ZNF804B: variants seen among roughly 807,000 people sequenced by gnomAD.
The protein encoded by ZNF804B is zinc finger 804B.
Under a neutral mutation model 101.4 loss-of-function variants are expected in ZNF804B, and 80 were observed. The observed-to-expected ratio is 0.79, with a 90% CI of 0.66 to 0.95. The LOEUF is 0.95. Ranked by LOEUF, ZNF804B falls within the 40% of genes least tolerant of loss-of-function variation. The pLI, the probability that ZNF804B is intolerant of heterozygous loss-of-function variation, is 0.00. For synonymous variants in ZNF804B, 622 were observed against 558.8 expected, an observed-to-expected ratio of 1.11 and a Z score of -1.59; for missense variants, 1,673 against 1,561.9, an observed-to-expected ratio of 1.07 and a Z score of -1.20.
chr7:88,790,402 A>G (rs923811724), intron 1 of ZNF804B, among the ~76,000 whole-genome samples: 5 of 151,844 alleles, frequency 3.3e-5, no homozygotes, highest in South Asian at 2.1e-4. Context: ...TGCATTAGCT[A>G]TTTACCCTGA....
intron 1 of ZNF804B, among the ~76,000 whole-genome samples, chr7:88,959,813 T>G (rs1373112426): frequency 6.6e-6 from 1 of 151,466 alleles, no homozygotes; most frequent in Non-Finnish European, 1.5e-5. Flanking sequence ...AAATGTCATA[T>G]TAGCTACCAC....
intron 3 of ZNF804B, among the ~76,000 whole-genome samples, chr7:89,330,191 T>C (rs1790957817): frequency 6.6e-6 from 1 of 151,808 alleles, no homozygotes; most frequent in African/African-American, 2.4e-5. Context: ...TGAAGTTTCA[T>C]TGAGAATGCA....
intron 2 of ZNF804B, among the ~76,000 whole-genome samples, chr7:89,220,585 C>T (rs1788989133): frequency 6.6e-6 from 1 of 151,840 alleles, no homozygotes; most frequent in African/African-American, 2.4e-5. Context: ...GAAGCAAGTG[C>T]CAGATGGTAT....
chr7:88,810,511 A>G (rs1002637659), intron 1 of ZNF804B, among the ~76,000 whole-genome samples: 2 of 151,750 alleles, frequency 1.3e-5, no homozygotes, highest in Non-Finnish European at 2.9e-5. Context: ...AAAAAAAAAA[A>G]ATTATCAAGG....
chr7:89,249,184 C>G lies in ZNF804B; in HGVS notation c.249+30889C>G, dbSNP rs112350773. Among the ~76,000 whole-genome samples the G allele has an allele frequency of 7.5e-3, 1,136 of 152,186 alleles. 13 individuals carry two copies. The highest frequency in any genetic ancestry group is 0.026 in the African/African-American group (1,085 of 41,522). On this transcript the variant is annotated intron_variant, in intron 2 of 3. Transcript: ENST00000333190. The stretch of plus-strand genomic sequence containing the variant: ...TAGACCTATGGAAAGATGTAGATAG[C>G]CACACAATAACAGTGGGGGACTTGA...
At chr7:89,040,572 T>C (rs1789001635) in intron 1 of ZNF804B, among the ~76,000 whole-genome samples, 1 of 152,204 alleles carries the variant, frequency 6.6e-6, no homozygotes, top group Middle Eastern at 3.2e-3. Context: ...TGGGCTTCTT[T>C]AAGACAATTT....
At chr7:89,199,209 A>C (rs190649511) in intron 1 of ZNF804B, among the ~76,000 whole-genome samples, 2 of 151,822 alleles carry the variant, frequency 1.3e-5, no homozygotes, top group Admixed American at 1.3e-4. Flanking sequence ...CCCATTCTTT[A>C]CTTACATTGT....
chr7:89,305,803 A>T (rs1790553585), intron 2 of ZNF804B, among the ~76,000 whole-genome samples: 1 of 151,860 alleles, frequency 6.6e-6, no homozygotes, highest in Non-Finnish European at 1.5e-5. Flanking sequence ...ACACATATTT[A>T]TTTGAAGATC....
chr7:88,963,274 A>G (rs1426613044), intron 1 of ZNF804B, among the ~76,000 whole-genome samples: 2 of 151,438 alleles, frequency 1.3e-5, no homozygotes, highest in East Asian at 3.9e-4. Context: ...AACATGTACA[A>G]AGGTACAGTA....
At chr7:88,980,007 C>T (rs184800415) in intron 1 of ZNF804B, among the ~76,000 whole-genome samples, 12 of 151,064 alleles carry the variant, frequency 7.9e-5, no homozygotes, top group African/African-American at 2.7e-4. Context: ...TTGAGAAACT[C>T]CTATGCATTC....
At chr7:88,880,421 C>T (rs1792014183) in intron 1 of ZNF804B, among the ~76,000 whole-genome samples, 1 of 152,110 alleles carries the variant, frequency 6.6e-6, no homozygotes. Flanking sequence ...TATCTAATTT[C>T]TATTTTTTCC....
chr7:88,864,206 A>C lies in ZNF804B; in HGVS notation c.108+104122A>C, dbSNP rs535180359. ...TTCTAACAATGTCTTGAGAGTAGGG[A>C]CTATTTCTGATTCAGTTACATGTTT... is the stretch of plus-strand genomic sequence containing the variant. On this transcript the variant is annotated intron_variant, in intron 1 of 3. Transcript: ENST00000333190. 3.3e-5 allele frequency among the ~76,000 whole-genome samples: 5 copies of C among 152,254 alleles called. No homozygotes were observed. In the East Asian group the frequency reaches 7.7e-4, roughly 24 times the overall value.
At chr7:88,788,091 T>C (rs1030827218) in intron 1 of ZNF804B, among the ~76,000 whole-genome samples, 1 of 152,096 alleles carries the variant, frequency 6.6e-6, no homozygotes, top group Non-Finnish European at 1.5e-5. Context: ...GTTGAAGGAA[T>C]GTGGCGGCAG....
intron 1 of ZNF804B, among the ~76,000 whole-genome samples, chr7:88,972,865 A>G (rs1793557941): frequency 6.6e-6 from 1 of 151,474 alleles, no homozygotes; most frequent in East Asian, 2.0e-4. Flanking sequence ...ATACAGGAGT[A>G]CATATAGCGT....
chr7:88,833,618 T>C (rs965781679), intron 1 of ZNF804B, among the ~76,000 whole-genome samples: 8 of 151,966 alleles, frequency 5.3e-5, no homozygotes, highest in African/African-American at 1.7e-4. Context: ...CTGCTAATAA[T>C]ATAATGCAAA....
At chr7:88,908,132 CTT>C in intron 1 of ZNF804B, among the ~76,000 whole-genome samples, 1 of 151,830 alleles carries the variant, frequency 6.6e-6, no homozygotes, top group East Asian at 1.9e-4. Flanking sequence ...TAGTAGGAAA[CTT>C]ATATTCTTGA....
intron 1 of ZNF804B, among the ~76,000 whole-genome samples, chr7:88,911,130 A>C (rs990261147): frequency 7.9e-5 from 12 of 151,992 alleles, no homozygotes; most frequent in African/African-American, 2.9e-4. Flanking sequence ...TGTTAGGATA[A>C]CAGTTTATCT....
chr7:89,307,905 T>A, intron 2 of ZNF804B, among the ~76,000 whole-genome samples: 1 of 152,034 alleles, frequency 6.6e-6, no homozygotes, highest in Non-Finnish European at 1.5e-5. Context: ...CCTAATAACC[T>A]TTTTTCCTCA....
chr7:88,766,783 A>G (rs1789991052), intron 1 of ZNF804B, among the ~76,000 whole-genome samples: 2 of 152,354 alleles, frequency 1.3e-5, no homozygotes, highest in East Asian at 1.9e-4. Context: ...ATAATAAAAT[A>G]TTGAATGTCC....
Sources: gnomAD v4.1 joint callset for allele counts (sites outside exome capture counted in the v4.1 genomes callset) on GRCh38, gnomAD v4.1.1 for gene constraint, MANE v1.5 for transcripts, NCBI Gene and HGNC (gene_info 2026-07-23, HGNC 2026-07-21) for gene names.